The following SMARCA1 variants were observed in gnomAD, a reference collection of about 807,000 sequenced individuals.
The protein encoded by SMARCA1 is SNF2 related chromatin remodeling ATPase 1, also known as SWI/SNF-related matrix-associated actin-dependent regulator of chromatin subfamily A member 1.
A neutral mutation model predicts 93.6 loss-of-function variants in SMARCA1; 17 were observed. The ratio of observed to expected loss-of-function variants is 0.18; its 90% confidence interval spans 0.12 to 0.27. The LOEUF is 0.27. Ranked by LOEUF, SMARCA1 falls within the 10% of genes least tolerant of loss-of-function variation. SMARCA1 has a pLI of 1.00. For missense variants in SMARCA1, 630 were observed against 819.0 expected, an observed-to-expected ratio of 0.77 and a Z score of 2.82; for synonymous variants, 271 against 271.4, an observed-to-expected ratio of 1.00 and a Z score of 0.01.
chrX:129,496,648 C>T, intron 12 of SMARCA1, 102 bp downstream of exon 12: 2 of 645,762 alleles, frequency 3.1e-6, no homozygotes, highest in Non-Finnish European at 4.7e-6. Flanking sequence ...TTCAATGCAC[C>T]CACCTAAAGA....
chrX:129,490,338 T>A lies in SMARCA1; in HGVS notation c.1816-146A>T, dbSNP rs1934073652. ...AAGAGCATGATGAATATTGAGAATA[T>A]CTAAAGACCACTGGGAACAAAGAAA... On this transcript the variant is annotated intron_variant, in intron 14 of 24. Coordinates refer to ENST00000371121, the MANE Select transcript of SMARCA1 (RefSeq NM_001282874.2). 8.3e-6 allele frequency: 3 copies of A among 363,289 alleles called. No homozygotes were observed. In the South Asian group the frequency reaches 2.6e-4, roughly 31 times the overall value. 29.9% of individuals were successfully genotyped at this position (363,289 alleles called of 1,213,427 possible).
chrX:129,467,858 T>C (rs1445939824), intron 21 of SMARCA1, among the ~76,000 whole-genome samples: 1 of 111,962 alleles, frequency 8.9e-6, no homozygotes, highest in Admixed American at 9.5e-5. Context: ...TAAACCTACT[T>C]TGTAAACTTA....
intron 3 of SMARCA1, 127 bp downstream of exon 3, chrX:129,516,204 A>ATTT: frequency 1.5e-6 from 1 of 664,891 alleles, no homozygotes; most frequent in Non-Finnish European, 2.3e-6. Flanking sequence ...TAATGGCAAT[A>ATTT]TTTTTTGTCA....
chrX:129,512,019 A>C (rs186427335), intron 5 of SMARCA1, 36 bp from the exon 6 acceptor site: 39 of 1,051,025 alleles, frequency 3.7e-5, no homozygotes, highest in Non-Finnish European at 2.6e-6. Context: ...ATCCATGAAC[A>C]TTTTTTCTGT....
chrX:129,504,693 T>C (rs747782189), intron 9 of SMARCA1, 41 bp downstream of exon 9: 3 of 954,151 alleles, frequency 3.1e-6, no homozygotes, highest in Non-Finnish European at 1.5e-6. Context: ...AGTTTGTGTA[T>C]ACTATTTAAT....
At chrX:129,496,625 T>C (rs1934339968) in intron 12 of SMARCA1, 125 bp downstream of exon 12, 2 of 510,179 alleles carry the variant, frequency 3.9e-6, no homozygotes, top group Non-Finnish European at 6.5e-6. Flanking sequence ...GAGAAAGAGA[T>C]GCTAATGAGA....
At chrX:129,501,548 G>C (rs1432981926) in intron 9 of SMARCA1, among the ~76,000 whole-genome samples, 1 of 109,433 alleles carries the variant, frequency 9.1e-6, no homozygotes, top group African/African-American at 3.3e-5. Context: ...TGCCCGCCTC[G>C]ACCTCCCAAA....
Position 129,489,029 on chromosome X carries a change from T to C in SMARCA1, c.2005A>G (p.Ile669Val). ...KLAKEEMLQM[I>V]RHGATHVFAS... ...AAAACATGGGTGGCTCCATGCCGTATCATTTGTAACATTTCCTCTTTTGCC... is the reference window on the plus strand; with the variant it reads ...AAAACATGGGTGGCTCCATGCCGTACCATTTGTAACATTTCCTCTTTTGCC... The change falls in exon 16 of 25, where the codon ATA becomes GTA. Residue 669 changes from isoleucine to valine, a missense_variant. By Grantham distance (29) the Ile-to-Val change is conservative. Transcript: ENST00000371121. 8.5e-7 allele frequency: 1 copy of C among 1,182,809 alleles called. No individual in the cohort carries two copies. Among genetic ancestry groups the C allele is most frequent in the Non-Finnish European group, 1.2e-6 (1 of 869,407 alleles).
At position 129,470,812 on chromosome X, in the gene SMARCA1, T is replaced by A. The variant is rs778416015; in HGVS notation, c.2565+392A>T. On this transcript the variant is annotated intron_variant, in intron 20 of 24. Transcript: ENST00000371121. ...TGAACCTGGGAGGTGGAGGATACAG[T>A]GAGCTCAGATCGCACCACTGCACTC... is the stretch of plus-strand genomic sequence containing the variant. Among the ~76,000 whole-genome samples, 3 of 111,616 alleles carry A rather than the reference T, an allele frequency of 2.7e-5. No individual in the cohort carries two copies. In the East Asian group the frequency reaches 8.5e-4, roughly 31 times the overall value.
chrX:129,497,003 A>G (rs927008990), intron 11 of SMARCA1, 132 bp from the exon 12 acceptor site: 161 of 355,503 alleles, frequency 4.5e-4, no homozygotes, highest in Non-Finnish European at 6.7e-4. Flanking sequence ...ACACGTGCAC[A>G]CACACACACA....
chrX:129,506,013 T>A (rs1235126472), intron 8 of SMARCA1, 67 bp downstream of exon 8: 2 of 847,033 alleles, frequency 2.4e-6, no homozygotes, highest in Non-Finnish European at 3.3e-6. Context: ...TTTCAATCTA[T>A]AATGTTTTAA....
At chrX:129,458,009 A>C (rs1399548463) in intron 23 of SMARCA1, among the ~76,000 whole-genome samples, 2 of 111,752 alleles carry the variant, frequency 1.8e-5, no homozygotes, top group Non-Finnish European at 3.8e-5. Context: ...CCTTTCTTAC[A>C]CATACTTTTA....
chrX:129,481,894 T>C (rs1933680025), intron 17 of SMARCA1, among the ~76,000 whole-genome samples: 2 of 108,758 alleles, frequency 1.8e-5, no homozygotes, highest in South Asian at 4.1e-4. Flanking sequence ...ATGTTTATTG[T>C]GGCATTATTC....
intron 19 of SMARCA1, among the ~76,000 whole-genome samples, chrX:129,473,846 T>A (rs1933252230): frequency 8.9e-6 from 1 of 111,980 alleles, no homozygotes; most frequent in Admixed American, 9.5e-5. Flanking sequence ...GTGACAGAAA[T>A]GGTCTATATC....
At chrX:129,501,936 G>C (rs1470634480) in intron 9 of SMARCA1, among the ~76,000 whole-genome samples, 1 of 111,844 alleles carries the variant, frequency 8.9e-6, no homozygotes, top group African/African-American at 3.3e-5. Context: ...TGGGGATAAT[G>C]ATACCTATTT....
At chrX:129,504,309 T>A (rs1452600600) in intron 9 of SMARCA1, among the ~76,000 whole-genome samples, 2 of 110,271 alleles carry the variant, frequency 1.8e-5, no homozygotes, top group Non-Finnish European at 3.8e-5. Context: ...GGAAACAGAA[T>A]GGGTGGAGGA....
chrX:129,504,161 C>T (rs1934685970), intron 9 of SMARCA1, among the ~76,000 whole-genome samples: 1 of 110,982 alleles, frequency 9.0e-6, no homozygotes, highest in Non-Finnish European at 1.9e-5. Context: ...GCCTGTAATC[C>T]CAGCTACTCG....
At chrX:129,496,083 C>T (rs1242960108) in intron 12 of SMARCA1, among the ~76,000 whole-genome samples, 5 of 101,281 alleles carry the variant, frequency 4.9e-5, no homozygotes, top group East Asian at 3.1e-4. Flanking sequence ...GGGTATTAAA[C>T]GCATTAGACC....
chrX:129,471,516 C>T lies in SMARCA1; in HGVS notation c.2443-190G>A, dbSNP rs111893118. On this transcript the variant is annotated intron_variant, in intron 19 of 24. Coordinates refer to ENST00000371121, the MANE Select transcript of SMARCA1 (RefSeq NM_001282874.2). Reference sequence around the variant, plus strand: ...TGAAGTAAAAACCATTCTTGTGCCACATGATATTCCATAGTTAAAACTCAC... The same window carrying T: ...TGAAGTAAAAACCATTCTTGTGCCATATGATATTCCATAGTTAAAACTCAC... Among the ~76,000 whole-genome samples, 13 of 112,346 alleles carry T rather than the reference C, an allele frequency of 1.2e-4. 1 individual carries two copies. The highest frequency in any genetic ancestry group is 3.9e-4 in the African/African-American group (12 of 30,961).
Sources: gnomAD v4.1 joint callset for allele counts (sites outside exome capture counted in the v4.1 genomes callset) on GRCh38, gnomAD v4.1.1 for gene constraint, MANE v1.5 for transcripts, NCBI Gene and HGNC (gene_info 2026-07-23, HGNC 2026-07-21) for gene names.